MFSD12: variants seen among roughly 807,000 people sequenced by gnomAD.
MFSD12 encodes major facilitator superfamily domain-containing protein 12.
In MFSD12, 67 loss-of-function variants were observed where a neutral mutation model predicts 51.2. That is an observed-to-expected ratio of 1.31 (90% CI 1.08 to 1.60). MFSD12 has a LOEUF of 1.60. MFSD12 is among the 40% of genes most tolerant of loss of function. MFSD12 has a pLI of 0.00. For missense variants in MFSD12, 921 were observed against 673.0 expected, an observed-to-expected ratio of 1.37 and a Z score of -4.08; for synonymous variants, 441 against 316.7, an observed-to-expected ratio of 1.39 and a Z score of -4.17.
downstream of MFSD12, among the ~76,000 whole-genome samples, chr19:3,540,672 G>C (rs1161085842): frequency 1.3e-5 from 2 of 150,716 alleles, no homozygotes; most frequent in South Asian, 2.1e-4. Context: ...CTGAAGTCAG[G>C]AGTTCGAGAC....
chr19:3,540,288 C>T (rs559630641), downstream of MFSD12, among the ~76,000 whole-genome samples: 9 of 150,016 alleles, frequency 6.0e-5, no homozygotes, highest in South Asian at 1.3e-3. Context: ...GACGGAGTCT[C>T]ACTCTTGTCG....
intron 2 of MFSD12, 30 bp from the exon 3 acceptor site, chr19:3,548,297 A>G (rs1021800088): frequency 1.9e-5 from 30 of 1,543,352 alleles, no homozygotes; most frequent in African/African-American, 8.2e-5. Flanking sequence ...GGACTCAACA[A>G]GACGCCAGGA....
downstream of MFSD12, chr19:3,543,570 T>G (rs1478748767): frequency 5.4e-6 from 8 of 1,470,376 alleles, no homozygotes; most frequent in East Asian, 2.7e-5. Flanking sequence ...ACCCAGCACC[T>G]GCGGGAGACC....
Position 3,544,501 on chromosome 19 carries a change from G to A in MFSD12, c.*209C>T, listed in dbSNP as rs983276411. ...TGGGATGGATTAGAGTTGAGAATGG[G>A]ACACCCTCAAAACCCAGGGGGTCCT... On this transcript the variant is annotated 3_prime_UTR_variant, in exon 10 of 10. Coordinates refer to ENST00000355415, the MANE Select transcript of MFSD12 (RefSeq NM_174983.5). The A allele has an allele frequency of 1.3e-5, 18 of 1,397,446 alleles. No individual in the cohort carries two copies. The highest frequency in any genetic ancestry group is 1.1e-5 in the Non-Finnish European group (12 of 1,078,592). The allele number at this position is 1,397,446 out of a possible 1,614,324, so 86.6% of individuals were successfully genotyped here.
Position 3,557,412 on chromosome 19 carries a change from C to A in MFSD12, c.-9G>T. The A allele has an allele frequency of 8.4e-7, 1 of 1,192,250 alleles. No homozygotes were observed. Among genetic ancestry groups the A allele is most frequent in the South Asian group, 4.1e-5 (1 of 24,602 alleles). 73.9% of individuals were successfully genotyped at this position (1,192,250 alleles called of 1,614,324 possible). ...GGGGGTCCCGGGCCCATCGCGGCGC[C>A]GGGCCCGCGCCCCCCACCCCCGGGC... is the stretch of plus-strand genomic sequence containing the variant. On this transcript the variant is annotated 5_prime_UTR_variant, in exon 1 of 10. Transcript: ENST00000355415.
chr19:3,543,718 G>T, downstream of MFSD12: 1 of 1,500,432 alleles, frequency 6.7e-7, no homozygotes, highest in African/African-American at 1.4e-5. Context: ...GGGAGGCCAG[G>T]GGGACAAGGC....
rs766442027 is a variant in MFSD12 at position 3,557,299 on chromosome 19, G to A, written c.105C>T (p.Cys35=). ...YAVGHFLNDL[C]ASMWFTYLLL... is the part of the protein sequence containing the mutation. ...GCAGGTAGGTGAACCACATGGACGC[G>A]CACAGGTCGTTGAGGAAGTGGCCCA... Residue 35 remains cysteine (C), a synonymous_variant, in exon 1 of 10, where the codon TGC becomes TGT. Coordinates refer to ENST00000355415, the MANE Select transcript of MFSD12 (RefSeq NM_174983.5). 6.3e-6 allele frequency: 10 copies of A among 1,593,054 alleles called. No individual in the cohort carries two copies. The highest frequency in any genetic ancestry group is 1.1e-5 in the South Asian group (1 of 87,934).
downstream of MFSD12, chr19:3,543,192 G>T (rs537224614): frequency 1.3e-6 from 2 of 1,529,458 alleles, no homozygotes; most frequent in Non-Finnish European, 1.8e-6. Context: ...CAAAGCACTC[G>T]CTGTAGACAT....
downstream of MFSD12, chr19:3,543,550 C>G (rs536464527): frequency 1.1e-5 from 17 of 1,534,126 alleles, no homozygotes; most frequent in South Asian, 6.1e-5. Flanking sequence ...CCCGCCCCAC[C>G]GCAGCCTACA....
intron 1 of MFSD12, among the ~76,000 whole-genome samples, chr19:3,553,382 A>G (rs2031571220): frequency 6.7e-6 from 1 of 149,408 alleles, no homozygotes; most frequent in African/African-American, 2.5e-5. Context: ...CTGAGGTGGG[A>G]GGACTGCTTG....
In MFSD12 at chr19:3,546,053, TGAAC is replaced by T. The variant is rs760599119; in HGVS notation, c.1289+17_1289+20del. The T allele has an allele frequency of 8.7e-6, 14 of 1,611,498 alleles. No individual in the cohort carries two copies. In the African/African-American group the frequency reaches 1.1e-4, roughly 12 times the overall value. On this transcript the variant is annotated intron_variant, in intron 8 of 9. Transcript: ENST00000355415. The stretch of plus-strand genomic sequence containing the variant: ...CCCTCTTACTGAACAAAAGAATGAA[TGAAC>T]GAACAGCGGCACTCACGGGCAAGGG...
chr19:3,553,728 CAAAAAAAAAAA>C (rs35093968), intron 1 of MFSD12, among the ~76,000 whole-genome samples: 4 of 61,330 alleles, frequency 6.5e-5, no homozygotes, highest in East Asian at 5.2e-4. Context: ...CTCCATCTCT[CAAAAAAAAAAA>C]AAAAAAAAAA....
intron 6 of MFSD12, among the ~76,000 whole-genome samples, 186 bp downstream of exon 6, chr19:3,547,086 C>T (rs553307393): frequency 6.6e-6 from 1 of 152,334 alleles, no homozygotes; most frequent in South Asian, 2.1e-4. Context: ...GATCCGCCCG[C>T]CTCGGCCTCC....
intron 8 of MFSD12, among the ~76,000 whole-genome samples, chr19:3,545,639 A>C (rs1196816016): frequency 6.6e-6 from 1 of 152,192 alleles, no homozygotes; most frequent in Non-Finnish European, 1.5e-5. Flanking sequence ...CGCCGGTACC[A>C]ACCACATGTT....
intron 2 of MFSD12, among the ~76,000 whole-genome samples, chr19:3,550,094 A>G (rs2031383650): frequency 6.6e-6 from 1 of 152,092 alleles, no homozygotes; most frequent in African/African-American, 2.4e-5. Context: ...TTCTGCCACC[A>G]ACCACGTGAG....
At chr19:3,549,925 CAGAGCGAGATCCTGTCAAGGG>C (rs2031374490) in intron 2 of MFSD12, among the ~76,000 whole-genome samples, 1 of 152,044 alleles carries the variant, frequency 6.6e-6, no homozygotes, top group Non-Finnish European at 1.5e-5. Context: ...GCCTGGCTGA[CAGAGCGAGATCCTGTCAAGGG>C]AGACTACGGT....
chr19:3,542,653 T>G, downstream of MFSD12: 3 of 1,117,750 alleles, frequency 2.7e-6, no homozygotes, highest in Non-Finnish European at 3.4e-6. Flanking sequence ...GGCTTAATTT[T>G]CGTATTTTTA....
downstream of MFSD12, chr19:3,543,906 C>G (rs140181125): frequency 1.5e-5 from 23 of 1,550,890 alleles, no homozygotes; most frequent in African/African-American, 2.9e-4. Context: ...GGCACCCCAG[C>G]GCCCGCCCGG....
intron 2 of MFSD12, among the ~76,000 whole-genome samples, chr19:3,549,370 G>A (rs769762284): frequency 2.6e-4 from 39 of 152,346 alleles, no homozygotes; most frequent in Middle Eastern, 3.4e-3. Flanking sequence ...CTATAGCAGA[G>A]GGAAAGGGAC....
Sources: allele counts gnomAD v4.1 joint callset (sites outside exome capture counted in the v4.1 genomes callset), GRCh38; gene constraint gnomAD v4.1.1; transcripts MANE v1.5; gene names NCBI Gene and HGNC (gene_info 2026-07-23, HGNC 2026-07-21).